The following ANO2 variants were observed in gnomAD, a reference collection of about 807,000 sequenced individuals.
ANO2 encodes the protein anoctamin 2.
A neutral mutation model predicts 124.2 loss-of-function variants in ANO2; 101 were observed. The ratio of observed to expected loss-of-function variants is 0.81; its 90% CI spans 0.69 to 0.96. The LOEUF is 0.96. Ranked by LOEUF, ANO2 falls within the 40% of genes least tolerant of loss-of-function variation. ANO2 has a pLI of 0.00. For synonymous variants in ANO2, 486 were observed against 482.5 expected, an observed-to-expected ratio of 1.01 and a Z score of -0.09; for missense variants, 1,293 against 1,274.5, an observed-to-expected ratio of 1.01 and a Z score of -0.22.
chr12:5,739,725 G>T (rs1951022121), intron 12 of ANO2, among the ~76,000 whole-genome samples: 1 of 151,952 alleles, frequency 6.6e-6, no homozygotes, highest in Non-Finnish European at 1.5e-5. Flanking sequence ...AAAAAGGGAG[G>T]GGTCTGCAGG....
chr12:5,813,005 AG>A, intron 7 of ANO2, among the ~76,000 whole-genome samples: 1 of 150,238 alleles, frequency 6.7e-6, no homozygotes, highest in Non-Finnish European at 1.5e-5. Context: ...CAAGCAAGAA[AG>A]AAAGAGAGAG....
chr12:5,758,487 CA>C (rs1341230379), intron 10 of ANO2, among the ~76,000 whole-genome samples: 1 of 152,166 alleles, frequency 6.6e-6, no homozygotes, highest in Non-Finnish European at 1.5e-5. Flanking sequence ...CAACAAACAT[CA>C]ACAGCCTGAT....
chr12:5,945,098 C>T, intron 1 of ANO2, 98 bp downstream of exon 1: 3 of 1,169,452 alleles, frequency 2.6e-6, no homozygotes, highest in Non-Finnish European at 3.4e-6. Flanking sequence ...CTTGGGGGTC[C>T]CCAATCCCGA....
intron 3 of ANO2, among the ~76,000 whole-genome samples, chr12:5,880,805 T>G (rs1410836029): frequency 8.2e-6 from 1 of 122,560 alleles, no homozygotes; most frequent in Non-Finnish European, 1.6e-5. Context: ...GGTGGATGGA[T>G]GAATAGATGG....
At chr12:5,816,210 C>A (rs73255127) in intron 7 of ANO2, among the ~76,000 whole-genome samples, 11,656 of 151,450 alleles carry the variant, frequency 0.077, 552 homozygotes, top group East Asian at 0.19. Flanking sequence ...TCTAGTCACT[C>A]ATGCTTCTCT....
At chr12:5,853,705 A>G (rs1339938167) in intron 4 of ANO2, among the ~76,000 whole-genome samples, 1 of 152,110 alleles carries the variant, frequency 6.6e-6, no homozygotes, top group African/African-American at 2.4e-5. Context: ...TCATTACTCT[A>G]TTCACTAAAG....
At chr12:5,796,810 G>A (rs1262786419) in intron 10 of ANO2, among the ~76,000 whole-genome samples, 1 of 152,208 alleles carries the variant, frequency 6.6e-6, no homozygotes, top group Non-Finnish European at 1.5e-5. Flanking sequence ...GAGGCCTGAA[G>A]GCCTGCGGAA....
intron 14 of ANO2, 79 bp downstream of exon 14, chr12:5,732,441 C>A: frequency 1.6e-6 from 2 of 1,252,140 alleles, no homozygotes; most frequent in Non-Finnish European, 2.2e-6. Context: ...AGTCTCCCTT[C>A]ACTAAGGCGT....
chr12:5,756,820 G>T (rs17788635), intron 10 of ANO2, among the ~76,000 whole-genome samples: 1 of 152,226 alleles, frequency 6.6e-6, no homozygotes, highest in African/African-American at 2.4e-5. Flanking sequence ...ATGGGTCCAC[G>T]GGCAGATGAG....
chr12:5,613,649 T>G (rs911733733), intron 17 of ANO2, among the ~76,000 whole-genome samples: 6 of 152,196 alleles, frequency 3.9e-5, no homozygotes, highest in African/African-American at 1.4e-4. Flanking sequence ...CATTTAAGGC[T>G]GTGTAAGCCT....
chr12:5,735,998 A>G (rs536458009), intron 13 of ANO2, among the ~76,000 whole-genome samples: 1 of 152,250 alleles, frequency 6.6e-6, no homozygotes, highest in Non-Finnish European at 1.5e-5. Context: ...GATGTGACAG[A>G]AGGTAATGGG....
At chr12:5,601,203 C>A (rs1470185196) in intron 19 of ANO2, among the ~76,000 whole-genome samples, 1 of 152,026 alleles carries the variant, frequency 6.6e-6, no homozygotes, top group Non-Finnish European at 1.5e-5. Flanking sequence ...AAGACATAAT[C>A]TATACAGCAT....
chr12:5,602,928 A>C (rs1361292962), intron 19 of ANO2, among the ~76,000 whole-genome samples: 1 of 152,240 alleles, frequency 6.6e-6, no homozygotes, highest in Non-Finnish European at 1.5e-5. Context: ...ACCCAGCCAA[A>C]GTATAGACGA....
intron 15 of ANO2, among the ~76,000 whole-genome samples, chr12:5,637,764 T>C (rs1441698348): frequency 6.6e-6 from 1 of 152,154 alleles, no homozygotes; most frequent in Non-Finnish European, 1.5e-5. Flanking sequence ...GCTCTCTGGT[T>C]CTTTGCAGGT....
chr12:5,888,043 G>A (rs1159601646), intron 3 of ANO2, among the ~76,000 whole-genome samples: 1 of 152,168 alleles, frequency 6.6e-6, no homozygotes, highest in Non-Finnish European at 1.5e-5. Context: ...CAAGAATGAA[G>A]CCGCGGACCC....
At chr12:5,667,169 T>A (rs1947771573) in intron 14 of ANO2, among the ~76,000 whole-genome samples, 1 of 152,158 alleles carries the variant, frequency 6.6e-6, no homozygotes, top group South Asian at 2.1e-4. Flanking sequence ...GGGACCTGCA[T>A]CCCTTCCCTG....
intron 3 of ANO2, among the ~76,000 whole-genome samples, chr12:5,859,991 C>T (rs12820482): frequency 0.017 from 2,639 of 152,232 alleles, 69 homozygotes; most frequent in African/African-American, 0.056. Context: ...CTCCCTACCC[C>T]GCTTCCTCTC....
chr12:5,892,984 G>C (rs1939514023), intron 3 of ANO2, among the ~76,000 whole-genome samples: 1 of 152,078 alleles, frequency 6.6e-6, no homozygotes, highest in South Asian at 2.1e-4. Flanking sequence ...CAAATACAAA[G>C]GAGGAAAGGC....
chr12:5,583,429 G>A (rs1262411892), intron 20 of ANO2, among the ~76,000 whole-genome samples: 11 of 152,026 alleles, frequency 7.2e-5, no homozygotes, highest in South Asian at 4.2e-4. Flanking sequence ...CGAGGCGGGC[G>A]GATCACAAGG....
Sources: gnomAD v4.1 joint callset for allele counts (sites outside exome capture counted in the v4.1 genomes callset) on GRCh38, gnomAD v4.1.1 for gene constraint, MANE v1.5 for transcripts, NCBI Gene and HGNC (gene_info 2026-07-23, HGNC 2026-07-21) for gene names.